TUSC3: variants seen among roughly 807,000 people sequenced by gnomAD.
TUSC3 encodes the protein tumor suppressor candidate 3, also known as dolichyl-diphosphooligosaccharide--protein glycosyltransferase subunit TUSC3.
A neutral mutation model predicts 44.8 loss-of-function variants in TUSC3; 45 were observed. The observed-to-expected ratio is 1.00, with a 90% CI of 0.79 to 1.29. The LOEUF is 1.29. TUSC3 is among the 50% of genes most tolerant of loss of function. TUSC3 has a pLI of 0.00. For missense variants in TUSC3, 519 were observed against 437.9 expected, an observed-to-expected ratio of 1.19 and a Z score of -1.65; for synonymous variants, 212 against 152.9, an observed-to-expected ratio of 1.39 and a Z score of -2.85.
chr8:15,573,168 TTCTCTCTCTCTC>T (rs1554516638), intron 1 of TUSC3, among the ~76,000 whole-genome samples: 8 of 85,588 alleles, frequency 9.3e-5, no homozygotes, highest in Non-Finnish European at 1.3e-4. Flanking sequence ...TTCTCTCTCT[TTCTCTCTCTCTC>T]TCTCTCTCTC....
chr8:15,614,843 G>C (rs1021203568), intron 1 of TUSC3, among the ~76,000 whole-genome samples: 1 of 150,688 alleles, frequency 6.6e-6, no homozygotes, highest in East Asian at 2.0e-4. Context: ...ATATGAAACA[G>C]ACTCCTTGGG....
At chr8:15,476,778 T>G (rs10105963) in intron 1 of TUSC3, among the ~76,000 whole-genome samples, 5,084 of 152,278 alleles carry the variant, frequency 0.033, 275 homozygotes, top group African/African-American at 0.11. Context: ...CTCTAGAGGT[T>G]TCCTATTGGC....
At chr8:15,722,914 C>T (rs1226189209) in intron 6 of TUSC3, among the ~76,000 whole-genome samples, 2 of 152,014 alleles carry the variant, frequency 1.3e-5, no homozygotes, top group African/African-American at 4.8e-5. Context: ...ACACATTGCT[C>T]CTTCCCATAC....
the TUSC3 span, among the ~76,000 whole-genome samples, chr8:15,807,862 G>C: frequency 4.5e-4 from 69 of 152,290 alleles, no homozygotes; most frequent in African/African-American, 1.5e-3. Context: ...GGGACTCACA[G>C]AATGCGGATG....
chr8:15,786,201 G>T, the TUSC3 span, among the ~76,000 whole-genome samples: 11 of 152,130 alleles, frequency 7.2e-5, no homozygotes, highest in Non-Finnish European at 1.3e-4. Context: ...AGAGACCACT[G>T]CAACTTCATT....
chr8:15,593,102 T>C (rs568266210), intron 1 of TUSC3, among the ~76,000 whole-genome samples: 2 of 152,348 alleles, frequency 1.3e-5, no homozygotes, highest in South Asian at 4.1e-4. Context: ...AAATTTTTTT[T>C]TGAGACGGAG....
At chr8:15,698,732 G>C (rs902860419) in intron 6 of TUSC3, among the ~76,000 whole-genome samples, 4 of 151,994 alleles carry the variant, frequency 2.6e-5, no homozygotes, top group East Asian at 1.9e-4. Context: ...ATTTGACTTT[G>C]ATACATCTTC....
intron 1 of TUSC3, among the ~76,000 whole-genome samples, chr8:15,549,934 C>T (rs140478291): frequency 3.3e-4 from 50 of 151,698 alleles, no homozygotes; most frequent in African/African-American, 1.1e-3. Flanking sequence ...ACTCACATCT[C>T]CAAAAACCGA....
chr8:15,566,197 T>C (rs1007836217), intron 1 of TUSC3, among the ~76,000 whole-genome samples: 2 of 152,144 alleles, frequency 1.3e-5, no homozygotes, highest in African/African-American at 4.8e-5. Flanking sequence ...TCATGTAATA[T>C]ATCTTTTGCC....
chr8:15,489,666 CAAAG>C lies in TUSC3; in HGVS notation n.189+6185_189+6188del, dbSNP rs1365061365. 2.6e-5 allele frequency among the ~76,000 whole-genome samples: 4 copies of C among 152,260 alleles called. No homozygotes were observed. In the East Asian group the frequency reaches 7.7e-4, roughly 29 times the overall value. On this transcript the variant is annotated intron_variant and non_coding_transcript_variant, in intron 2 of 5. Transcript: ENST00000503191. ...ATTGGAATTTGGTATCTCACTGCCACAAAGAGTCTGTTTTGTCAGTCTTAAGATT... is the reference window on the plus strand; with the variant it reads ...ATTGGAATTTGGTATCTCACTGCCACAGTCTGTTTTGTCAGTCTTAAGATT...
chr8:15,802,307 C>G, the TUSC3 span, among the ~76,000 whole-genome samples: 20,207 of 152,154 alleles, frequency 0.13, 1,872 homozygotes, highest in Non-Finnish European at 0.19. Context: ...AAAACATGAG[C>G]TCTTAATAAA....
chr8:15,789,772 A>G, the TUSC3 span, among the ~76,000 whole-genome samples: 1 of 152,156 alleles, frequency 6.6e-6, no homozygotes, highest in Admixed American at 6.5e-5. Context: ...ACAGATATAG[A>G]CCCTGCTCTC....
intron 5 of TUSC3, among the ~76,000 whole-genome samples, chr8:15,667,758 A>G (rs354521): frequency 0.85 from 128,492 of 151,586 alleles, 54,681 homozygotes; most frequent in Non-Finnish European, 0.87. Flanking sequence ...AGCATGTAAT[A>G]GTTATTTTTC....
At chr8:15,487,814 G>T (rs944729485) in intron 2 of TUSC3, among the ~76,000 whole-genome samples, 1 of 150,474 alleles carries the variant, frequency 6.6e-6, no homozygotes, top group African/African-American at 2.4e-5. Context: ...TGACATCGTT[G>T]TTTTAAAATT....
At chr8:15,780,325 C>T in the TUSC3 span, among the ~76,000 whole-genome samples, 3 of 152,088 alleles carry the variant, frequency 2.0e-5, no homozygotes, top group Admixed American at 2.0e-4. Context: ...ACAGCTGTTC[C>T]CTGAGGGGAG....
chr8:15,479,982 T>A (rs1800636883), intron 1 of TUSC3, among the ~76,000 whole-genome samples: 1 of 152,002 alleles, frequency 6.6e-6, no homozygotes, highest in Admixed American at 6.6e-5. Context: ...TGCCCAGAAA[T>A]CACAAGCATT....
chr8:15,673,344 A>C (rs1366318961), intron 5 of TUSC3, among the ~76,000 whole-genome samples: 1 of 152,074 alleles, frequency 6.6e-6, no homozygotes, highest in Non-Finnish European at 1.5e-5. Context: ...ATCCAAACTA[A>C]TAGAAGAATG....
chr8:15,711,463 CGTGTGTGTGTGT>C lies in TUSC3; in HGVS notation c.799-19182_799-19171del, dbSNP rs36058270. Among the ~76,000 whole-genome samples the C allele has an allele frequency of 2.1e-4, 31 of 144,974 alleles. 1 individual carries two copies. Among genetic ancestry groups the C allele is most frequent in the South Asian group, 1.1e-3 (5 of 4,538 alleles). The stretch of plus-strand genomic sequence containing the variant: ...CAGGTTTTAGAAAAACAAAAAGGTA[CGTGTGTGTGTGT>C]GTGTGTGTGTGTGTGTGTGTATTTA... On this transcript the variant is annotated intron_variant, in intron 6 of 10. Transcript: ENST00000503731.
intron 6 of TUSC3, among the ~76,000 whole-genome samples, chr8:15,725,894 G>A (rs868414352): frequency 1.3e-5 from 2 of 152,074 alleles, no homozygotes; most frequent in South Asian, 2.1e-4. Flanking sequence ...GGAAACTGAG[G>A]CCCAAATTAC....
Sources: allele counts gnomAD v4.1 joint callset (sites outside exome capture counted in the v4.1 genomes callset), GRCh38; gene constraint gnomAD v4.1.1; transcripts MANE v1.5; gene names NCBI Gene and HGNC (gene_info 2026-07-23, HGNC 2026-07-21).